CPNE7: variants seen among roughly 807,000 people sequenced by gnomAD.
CPNE7 encodes copine-7.
Under a neutral mutation model 66.5 loss-of-function variants are expected in CPNE7, and 78 were observed. That is an observed-to-expected ratio of 1.17 (90% CI 0.98 to 1.42). The LOEUF (loss-of-function observed/expected upper bound fraction) is 1.42, where lower values mean the gene tolerates loss of function less well. Among genes scored for constraint, CPNE7 ranks in the 40% most tolerant of loss-of-function variants. The pLI, the probability that CPNE7 is intolerant of heterozygous loss-of-function variation, is 0.00. For missense variants in CPNE7, 1,012 were observed against 776.6 expected (o/e 1.30, Z -3.60); for synonymous variants, 468 against 336.7 (o/e 1.39, Z -4.27).
rs2059012935 is a variant in CPNE7 at position 89,584,997 on chromosome 16, G to C, written c.591+140G>C. ...GCTTTGGTGGCTGTGGCTATGGCCA[G>C]AATCCAACAGGGAGCCGCAGGCGCA... On this transcript the variant is annotated intron_variant, in intron 5 of 14. Coordinates refer to ENST00000319518, the MANE Select transcript of CPNE7 (RefSeq NM_153636.3). The surrounding 1 kb of genome is among the most constrained non-coding windows in gnomAD (Gnocchi z 6.0). The C allele has an allele frequency of 3.9e-6, 3 of 764,382 alleles. No homozygotes were observed. The highest frequency in any genetic ancestry group is 1.7e-5 in the African/African-American group (1 of 57,822). 47.3% of individuals were successfully genotyped at this position (764,382 alleles called of 1,614,324 possible).
At chr16:89,586,261 G>A (rs1597704525) in intron 7 of CPNE7, among the ~76,000 whole-genome samples, 1 of 152,180 alleles carries the variant, frequency 6.6e-6, no homozygotes, top group African/African-American at 2.4e-5. Flanking sequence ...AGCAGGGGTG[G>A]CCCCCATCAG....
rs1219803657 is a variant in CPNE7 at position 89,588,762 on chromosome 16, C to T, written c.1015C>T (p.Leu339=). 3 of 1,613,778 alleles carry T rather than the reference C, an allele frequency of 1.9e-6. No individual in the cohort carries two copies. Among genetic ancestry groups the T allele is most frequent in the African/African-American group, 2.7e-5 (2 of 75,054 alleles). The change falls in exon 10 of 15, where the codon CTG becomes TTG. Residue 339 remains leucine, a synonymous_variant. Transcript: ENST00000319518. ...YINPYQPNEY[L]KALVSVGEIC... ...CAACCCCTACCAGCCGAACGAGTAC[C>T]TGAAGGCACTGGTGTCCGTGGGCGA...
Position 89,591,191 on chromosome 16 carries a change from C to G in CPNE7, c.1233C>G (p.Thr411=). 6.3e-7 allele frequency: 1 copy of G among 1,598,940 alleles called. No individual in the cohort carries two copies. The highest frequency in any genetic ancestry group is 8.5e-7 in the Non-Finnish European group (1 of 1,172,998). Reference sequence around the variant, plus strand: ...CCAGGGTCCAGCTCTACGGCCCCACCAACGTGGCGCCCATCATCTCCAAGG... The same window carrying G: ...CCAGGGTCCAGCTCTACGGCCCCACGAACGTGGCGCCCATCATCTCCAAGG... ...CLPRVQLYGP[T]NVAPIISKVA... Residue 411 remains threonine (T), a synonymous_variant, in exon 13 of 15, where the codon ACC becomes ACG. Coordinates refer to ENST00000319518, the MANE Select transcript of CPNE7 (RefSeq NM_153636.3).
intron 10 of CPNE7, among the ~76,000 whole-genome samples, chr16:89,589,093 A>G (rs927656250): frequency 2.7e-4 from 41 of 152,276 alleles, no homozygotes; most frequent in African/African-American, 9.1e-4. Flanking sequence ...GGAGTTTGAG[A>G]CCAGCCTGGC....
intron 7 of CPNE7, among the ~76,000 whole-genome samples, chr16:89,586,365 C>G (rs1230795871): frequency 2.0e-5 from 3 of 151,884 alleles, no homozygotes; most frequent in Non-Finnish European, 4.4e-5. Context: ...CTGCCCAGCC[C>G]ACAGCAGCCG....
chr16:89,595,571 G>C lies in CPNE7; in HGVS notation c.1507G>C (p.Val503Leu). Residue 503 changes from valine to leucine, a missense_variant, in exon 14 of 15, where the codon GTA (valine) becomes CTA (leucine). Transcript: ENST00000319518. ...PRGEPALRDI[V>L]QFVPFRELKN... ...GGGTGAGCCCGCGCTCCGGGACATC[G>C]TACAGTTCGTGCCCTTCCGGGAGCT... 6.2e-7 allele frequency: 1 copy of C among 1,610,616 alleles called. No individual in the cohort carries two copies.
Position 89,586,688 on chromosome 16 carries a change from A to G in CPNE7, c.799A>G (p.Asn267Asp). 1.9e-6 allele frequency: 3 copies of G among 1,612,430 alleles called. No homozygotes were observed. The highest frequency in any genetic ancestry group is 2.5e-6 in the Non-Finnish European group (3 of 1,179,534). Reference protein sequence around the residue: ...EEGQAQWDCVNPKYKQKRRSY... With the variant: ...EEGQAQWDCVDPKYKQKRRSY... The stretch of plus-strand genomic sequence containing the variant: ...GCCCCAGGCCCAGTGGGACTGTGTG[A>G]ACCCCAAATACAAGCAGAAGAGACG... Residue 267 changes from asparagine (N) to aspartate (D), a missense_variant, in exon 8 of 15, where the codon AAC (asparagine) becomes GAC (aspartate). Transcript: ENST00000319518.
chr16:89,588,789 A>G lies in CPNE7; in HGVS notation c.1042A>G (p.Ile348Val). 1 of 1,613,518 alleles carries G rather than the reference A, an allele frequency of 6.2e-7. No homozygotes were observed. Among genetic ancestry groups the G allele is most frequent in the East Asian group, 2.2e-5 (1 of 44,886 alleles). The stretch of plus-strand genomic sequence containing the variant: ...GAAGGCACTGGTGTCCGTGGGCGAG[A>G]TCTGCCAGGACTATGACAGGTGCGC... ...YLKALVSVGE[I>V]CQDYDSDKRF... Residue 348 changes from isoleucine to valine, a missense_variant, in exon 10 of 15, where the codon ATC (isoleucine) becomes GTC (valine). Coordinates refer to ENST00000319518, the MANE Select transcript of CPNE7 (RefSeq NM_153636.3).
chr16:89,592,948 G>C (rs1597720588), intron 13 of CPNE7, among the ~76,000 whole-genome samples: 1 of 150,464 alleles, frequency 6.6e-6, no homozygotes, highest in African/African-American at 2.5e-5. Context: ...GAGTAGCTGG[G>C]AGTACAGGCG....
In CPNE7 at chr16:89,592,814, T is replaced by TC. The variant is rs200993636; in HGVS notation, c.1302+1554_1302+1555insC. On this transcript the variant is annotated intron_variant, in intron 13 of 14. Coordinates refer to ENST00000319518, the MANE Select transcript of CPNE7 (RefSeq NM_153636.3). Reference sequence around the variant, plus strand: ...TTGTAACCATTTTTTTCTTTTCTTTTTTTTTTTTTTTTTTTGAGATGGAGT... The same window carrying TC: ...TTGTAACCATTTTTTTCTTTTCTTTTCTTTTTTTTTTTTTTTGAGATGGAGT... 0.016 allele frequency among the ~76,000 whole-genome samples: 2,363 copies of TC among 144,144 alleles called. 327 individuals are homozygous for TC. The East Asian group carries it at 0.41, about 25-fold the overall frequency. The allele number at this position is 144,144 out of a possible 152,430, so 94.6% of individuals were successfully genotyped here. A position where few individuals can be genotyped will look rare whatever the true frequency, so the allele number is the denominator to read the frequency against.
In CPNE7 at chr16:89,583,750, C is replaced by G. The variant is rs760161077; in HGVS notation, c.411C>G (p.Asn137Lys). 1 of 1,612,718 alleles carries G rather than the reference C, an allele frequency of 6.2e-7. No homozygotes were observed. The highest frequency in any genetic ancestry group is 8.5e-7 in the Non-Finnish European group (1 of 1,179,908). The change falls in exon 3 of 15, where the codon AAC becomes AAG. Residue 137 changes from asparagine to lysine, a missense_variant. By Grantham distance (94) the Asn-to-Lys change is moderately conservative (BLOSUM62 0). Coordinates refer to ENST00000319518, the MANE Select transcript of CPNE7 (RefSeq NM_153636.3). ...CGCTGCTGCTCAAGTTTGGCAGGAACGCTGGCAAGTCCACCATCACGGTGA... is the reference window on the plus strand; with the variant it reads ...CGCTGCTGCTCAAGTTTGGCAGGAAGGCTGGCAAGTCCACCATCACGGTGA... Reference protein sequence around the residue: ...TRPLLLKFGRNAGKSTITVIA... With the variant: ...TRPLLLKFGRKAGKSTITVIA...
Position 89,595,549 on chromosome 16 carries a change from T to C in CPNE7, c.1485T>C (p.Gly495=). 1 of 1,612,050 alleles carries C rather than the reference T, an allele frequency of 6.2e-7. No individual in the cohort carries two copies. Among genetic ancestry groups the C allele is most frequent in the Non-Finnish European group, 8.5e-7 (1 of 1,179,476 alleles). The change falls in exon 14 of 15, where the codon GGT becomes GGC. Residue 495 remains glycine (G), a synonymous_variant. Transcript: ENST00000319518. ...ACGGCGTCCTGCGCTCCCCACGGGG[T>C]GAGCCCGCGCTCCGGGACATCGTAC... The part of the protein sequence containing the change: ...GDDGVLRSPR[G]EPALRDIVQF...
At chr16:89,588,135 TGTC>T (rs2059108690) in intron 9 of CPNE7, among the ~76,000 whole-genome samples, 1 of 113,432 alleles carries the variant, frequency 8.8e-6, no homozygotes, top group East Asian at 5.3e-4. Context: ...GTCACCCGCG[TGTC>T]ACCCACAGAT....
intron 2 of CPNE7, chr16:89,579,003 T>C (rs2151427534): frequency 6.3e-7 from 1 of 1,591,266 alleles, no homozygotes; most frequent in Non-Finnish European, 8.6e-7. Flanking sequence ...TGAGGTAAAA[T>C]TTACAGGCCG....
chr16:89,580,202 A>G (rs1397025978), intron 2 of CPNE7, among the ~76,000 whole-genome samples: 2 of 51,906 alleles, frequency 3.9e-5, no homozygotes, highest in African/African-American at 9.6e-5. Flanking sequence ...CGTCACACGG[A>G]ACATCCCGTC....
chr16:89,581,267 A>G (rs551996615), intron 2 of CPNE7, among the ~76,000 whole-genome samples: 7 of 148,354 alleles, frequency 4.7e-5, no homozygotes, highest in Admixed American at 1.3e-4. Flanking sequence ...CACCCGTCAC[A>G]CGGAACATCC....
Position 89,585,711 on chromosome 16 carries a change from C to G in CPNE7, c.706C>G (p.Arg236Gly), listed in dbSNP as rs760181647. The G allele has an allele frequency of 6.0e-5, 93 of 1,549,852 alleles. No homozygotes were observed. The highest frequency in any genetic ancestry group is 7.7e-5 in the Non-Finnish European group (88 of 1,147,230). The change falls in exon 7 of 15, where the codon CGA (arginine) becomes GGA (glycine). Residue 236 changes from arginine to glycine, a missense_variant. Transcript: ENST00000319518. ...GTGCCTGGTCTGGGATTACGACTCT[C>G]GAGGAAAGCACGACTTCATCGGAGA... ...LKCLVWDYDS[R>G]GKHDFIGEFS...
Position 89,585,538 on chromosome 16 carries a change from G to A in CPNE7, c.666G>A (p.Glu222=). The part of the protein sequence containing the change: ...VSLSSLCSCE[E]TRPLKCLVWD... ...TGAGTTCCCTCTGCAGCTGCGAGGA[G>A]ACAAGGCCTCTAAAGGTGGGGGACG... Residue 222 remains glutamate, a synonymous_variant, in exon 6 of 15, where the codon GAG becomes GAA. Coordinates refer to ENST00000319518, the MANE Select transcript of CPNE7 (RefSeq NM_153636.3). 6.2e-7 allele frequency: 1 copy of A among 1,611,326 alleles called. No homozygotes were observed. The highest frequency in any genetic ancestry group is 8.5e-7 in the Non-Finnish European group (1 of 1,179,102).
At chr16:89,586,920 G>A in intron 8 of CPNE7, 123 bp from the exon 9 acceptor site, 4 of 1,101,818 alleles carry the variant, frequency 3.6e-6, no homozygotes, top group Non-Finnish European at 5.4e-6. Context: ...GAGGATGGGG[G>A]AGAGGAGAGG....
Sources: allele counts gnomAD v4.1 joint callset (sites outside exome capture counted in the v4.1 genomes callset), GRCh38; gene constraint gnomAD v4.1.1; non-coding constraint Gnocchi (gnomAD v3.1); transcripts MANE v1.5; gene names NCBI Gene and HGNC (gene_info 2026-07-23, HGNC 2026-07-21).